The following GPA33 variants were observed in gnomAD, a reference collection of about 807,000 sequenced individuals.
The protein encoded by GPA33 is cell surface A33 antigen.
GPA33 carries 27 observed loss-of-function variants against 35.6 expected under a neutral mutation model. The ratio of observed to expected loss-of-function variants is 0.76; its 90% CI spans 0.56 to 1.04. The LOEUF (loss-of-function observed/expected upper bound fraction) is 1.04, where lower values mean the gene tolerates loss of function less well. GPA33 is among the 50% of genes least tolerant of loss of function. The pLI, the probability that GPA33 is intolerant of heterozygous loss-of-function variation, is 0.00. For missense variants in GPA33, 428 were observed against 411.9 expected (o/e 1.04, Z -0.34); for synonymous variants, 176 against 164.0 (o/e 1.07, Z -0.56).
chr1:167,056,773 T>TGTTCTGGGGTGTCTGA lies in GPA33; in HGVS notation c.572-925_572-924insTCAGACACCCCAGAAC, dbSNP rs1376559260. On this transcript the variant is annotated intron_variant, in intron 4 of 6. Transcript: ENST00000367868. ...GTGTGTATGGCGTGTGTGTGGTGTG[T>TGTTCTGGGGTGTCTGA]GTGGCATGTGTAGTGTGGTGCGTGT... Among the ~76,000 whole-genome samples, 103 of 147,292 alleles carry TGTTCTGGGGTGTCTGA rather than the reference T, an allele frequency of 7.0e-4. 1 individual carries two copies. The highest frequency in any genetic ancestry group is 8.7e-4 in the South Asian group (4 of 4,576).
intron 1 of GPA33, among the ~76,000 whole-genome samples, chr1:167,079,479 G>C (rs1666883425): frequency 7.2e-6 from 1 of 138,014 alleles, no homozygotes; most frequent in Admixed American, 7.3e-5. Flanking sequence ...GCGAGACTCC[G>C]TCTCCAAAAA....
chr1:167,067,835 T>C (rs1451348265), intron 3 of GPA33, among the ~76,000 whole-genome samples: 2 of 152,216 alleles, frequency 1.3e-5, no homozygotes, highest in Non-Finnish European at 2.9e-5. Flanking sequence ...GATTCCATTT[T>C]TTTTAAAGGA....
At chr1:167,066,007 G>C (rs1666584730) in intron 3 of GPA33, among the ~76,000 whole-genome samples, 1 of 152,172 alleles carries the variant, frequency 6.6e-6, no homozygotes, top group East Asian at 1.9e-4. Context: ...TGGGCTTGCT[G>C]AGCCAAGCTT....
At chr1:167,067,349 G>A (rs6672138) in intron 3 of GPA33, among the ~76,000 whole-genome samples, 1 of 151,670 alleles carries the variant, frequency 6.6e-6, no homozygotes, top group Admixed American at 6.6e-5. Context: ...GCTGGTCTCC[G>A]CCTCGGCCTC....
intron 6 of GPA33, 126 bp downstream of exon 6, chr1:167,054,850 C>T (rs937396199): frequency 4.4e-4 from 466 of 1,066,040 alleles, no homozygotes; most frequent in Admixed American, 1.6e-3. Context: ...GTCATTGTTT[C>T]ATCAGCACAA....
intron 3 of GPA33, among the ~76,000 whole-genome samples, 197 bp from the exon 4 acceptor site, chr1:167,063,934 A>T (rs1006739423): frequency 6.6e-6 from 1 of 152,172 alleles, no homozygotes; most frequent in Non-Finnish European, 1.5e-5. Context: ...TGTCACCACC[A>T]CAAAGGAGCA....
chr1:167,086,543 G>C (rs1358877425), intron 1 of GPA33, among the ~76,000 whole-genome samples: 1 of 152,210 alleles, frequency 6.6e-6, no homozygotes, highest in Admixed American at 6.5e-5. Flanking sequence ...TGATCCACAC[G>C]AACATGGCAC....
chr1:167,081,643 G>A (rs549274615), intron 1 of GPA33, among the ~76,000 whole-genome samples: 8 of 152,284 alleles, frequency 5.3e-5, no homozygotes, highest in Non-Finnish European at 1.2e-4. Context: ...GTGTTCACAC[G>A]CCATCTTGGA....
At chr1:167,090,098 C>T (rs1231011570) in intron 1 of GPA33, 147 bp downstream of exon 1, 16 of 653,514 alleles carry the variant, frequency 2.4e-5, no homozygotes, top group Non-Finnish European at 4.5e-5. Flanking sequence ...GGGCACTGGT[C>T]CGGAATGTGT....
chr1:167,060,572 A>C (rs1308948481), intron 4 of GPA33, among the ~76,000 whole-genome samples: 1 of 152,200 alleles, frequency 6.6e-6, no homozygotes, highest in Non-Finnish European at 1.5e-5. Flanking sequence ...TTCACAAATT[A>C]AAGCTTTCAC....
At chr1:167,069,455 C>G (rs961255839) in intron 2 of GPA33, among the ~76,000 whole-genome samples, 46 of 152,244 alleles carry the variant, frequency 3.0e-4, no homozygotes, top group African/African-American at 9.9e-4. Context: ...TCTCTCTTAT[C>G]CATTCCATTT....
intron 4 of GPA33, among the ~76,000 whole-genome samples, chr1:167,056,726 TG>T (rs1291705447): frequency 6.5e-3 from 56 of 8,580 alleles, no homozygotes; most frequent in Admixed American, 9.6e-3. Flanking sequence ...GTGTAGTGTG[TG>T]ATGTATGTGG....
At chr1:167,082,466 T>A (rs1314352553) in intron 1 of GPA33, among the ~76,000 whole-genome samples, 2 of 152,202 alleles carry the variant, frequency 1.3e-5, no homozygotes, top group East Asian at 3.8e-4. Context: ...TGAGCAGATT[T>A]CTTTAGCCCC....
At chr1:167,063,813 A>AC in intron 3 of GPA33, 76 bp from the exon 4 acceptor site, 1 of 874,816 alleles carries the variant, frequency 1.1e-6, no homozygotes, top group Non-Finnish European at 1.6e-6. Context: ...CTCCCCACCC[A>AC]CCCCCCACAC....
chr1:167,066,892 C>A (rs987250624), intron 3 of GPA33, among the ~76,000 whole-genome samples: 2 of 152,330 alleles, frequency 1.3e-5, no homozygotes, highest in East Asian at 3.9e-4. Context: ...GCGTGCTGCC[C>A]CGAGGCGCGG....
chr1:167,073,254 C>T lies in GPA33; in HGVS notation c.198+131G>A, dbSNP rs1164008586. ...AGCCCAACATTCACTGCTCCCTCCC[C>T]ACCCACTCCAGCCTGGGTGCTAGTG... On this transcript the variant is annotated intron_variant, in intron 2 of 6. Coordinates refer to ENST00000367868, the MANE Select transcript of GPA33 (RefSeq NM_005814.3). 6 of 739,820 alleles carry T rather than the reference C, an allele frequency of 8.1e-6. No homozygotes were observed. The African/African-American group carries it at 8.7e-5, about 11-fold the overall frequency. 45.8% of individuals were successfully genotyped at this position (739,820 alleles called of 1,614,324 possible).
In GPA33 at chr1:167,089,524, T is replaced by A. The variant is rs116509116; in HGVS notation, c.43+721A>T. Among the ~76,000 whole-genome samples, 549 of 152,320 alleles carry A rather than the reference T, an allele frequency of 3.6e-3. 4 individuals carry two copies. Among genetic ancestry groups the A allele is most frequent in the African/African-American group, 0.012 (488 of 41,574 alleles). On this transcript the variant is annotated intron_variant, in intron 1 of 6. Coordinates refer to ENST00000367868, the MANE Select transcript of GPA33 (RefSeq NM_005814.3). The stretch of plus-strand genomic sequence containing the variant: ...TTCCAATGCCCAGCAAAATGGTTGG[T>A]ACCTTAATGCCAAGACTTTCATTCT...
chr1:167,055,716 C>G lies in GPA33; in HGVS notation c.691+14G>C. ...GTGGCGTTTGTCAGCCCTCCCCCCG[C>G]AGGCTGCTCTTACGAGATCTGACGG... On this transcript the variant is annotated intron_variant, in intron 5 of 6. Coordinates refer to ENST00000367868, the MANE Select transcript of GPA33 (RefSeq NM_005814.3). 6.2e-7 allele frequency: 1 copy of G among 1,613,636 alleles called. No individual in the cohort carries two copies. Among genetic ancestry groups the G allele is most frequent in the South Asian group, 1.1e-5 (1 of 91,040 alleles).
chr1:167,069,087 G>A lies in GPA33; in HGVS notation c.250C>T (p.Leu84Phe). 2 of 1,614,040 alleles carry A rather than the reference G, an allele frequency of 1.2e-6. No homozygotes were observed. Among genetic ancestry groups the A allele is most frequent in the Non-Finnish European group, 8.5e-7 (1 of 1,179,932 alleles). The change falls in exon 3 of 7, where the codon CTT (leucine) becomes TTT (phenylalanine). Residue 84 changes from leucine to phenylalanine, a missense_variant. Coordinates refer to ENST00000367868, the MANE Select transcript of GPA33 (RefSeq NM_005814.3). ...GATATGCTGACGCGATTCTTATAAAGCTCACCATGGATGTAGTTTTTGTTT... is the reference window on the plus strand; with the variant it reads ...GATATGCTGACGCGATTCTTATAAAACTCACCATGGATGTAGTTTTTGTTT... The part of the protein sequence containing the change: ...FSNKNYIHGE[L>F]YKNRVSISNN...
Sources: allele counts gnomAD v4.1 joint callset (sites outside exome capture counted in the v4.1 genomes callset), GRCh38; gene constraint gnomAD v4.1.1; transcripts MANE v1.5; gene names NCBI Gene and HGNC (gene_info 2026-07-23, HGNC 2026-07-21).